The following MEAK7 variants were observed in gnomAD, a reference collection of about 807,000 sequenced individuals.
MEAK7 encodes the protein MTOR-associated protein MEAK7.
Under a neutral mutation model 40.5 loss-of-function variants are expected in MEAK7, and 68 were observed. The ratio of observed to expected loss-of-function variants is 1.68; its 90% CI spans 1.38 to 2.06. The LOEUF (loss-of-function observed/expected upper bound fraction) is 2.06. MEAK7 is among the 30% of genes most tolerant of loss of function. The probability of loss-of-function intolerance (pLI) is 0.00; values close to 1 mark genes in which losing one functional copy is unlikely to be tolerated. For missense variants in MEAK7, 918 were observed against 580.5 expected (o/e 1.58, Z -5.98); for synonymous variants, 338 against 231.9 (o/e 1.46, Z -4.16).
chr16:84,488,422 AG>A (rs1266249467), intron 4 of MEAK7: 1 of 127,092 alleles, frequency 7.9e-6, no homozygotes. Context: ...ATTTGCCACA[AG>A]GTTTTTTTTT....
intron 3 of MEAK7, among the ~76,000 whole-genome samples, chr16:84,493,374 T>G (rs1485171909): frequency 2.0e-5 from 3 of 152,218 alleles, no homozygotes; most frequent in African/African-American, 7.2e-5. Context: ...ATTGTGCTGT[T>G]GGAATAGAAA....
intron 3 of MEAK7, among the ~76,000 whole-genome samples, chr16:84,495,044 G>A (rs944536173): frequency 6.6e-5 from 10 of 152,128 alleles, no homozygotes; most frequent in South Asian, 2.1e-4. Flanking sequence ...CAAGGCAGGC[G>A]GACCACCTAA....
At chr16:84,500,269 T>C (rs891450582) in intron 1 of MEAK7, among the ~76,000 whole-genome samples, 3 of 152,200 alleles carry the variant, frequency 2.0e-5, no homozygotes, top group Non-Finnish European at 4.4e-5. Flanking sequence ...AGTGCTGCAA[T>C]GAACATCTGA....
chr16:84,502,189 C>T lies in MEAK7; in HGVS notation c.-26+2412G>A, dbSNP rs894999034. On this transcript the variant is annotated intron_variant, in intron 1 of 7. Coordinates refer to ENST00000343629, the MANE Select transcript of MEAK7 (RefSeq NM_020947.4). ...CACGCTGGTGCTGGTGCTGACAGCG[C>T]ACATCAAGGTTGCTTGTACCAGTGG... Among the ~76,000 whole-genome samples the T allele has an allele frequency of 1.8e-4, 27 of 151,690 alleles. 1 individual carries two copies. The highest frequency in any genetic ancestry group is 1.3e-4 in the Non-Finnish European group (9 of 67,966).
intron 6 of MEAK7, among the ~76,000 whole-genome samples, chr16:84,481,261 G>C (rs1912516552): frequency 6.6e-6 from 1 of 152,226 alleles, no homozygotes; most frequent in East Asian, 1.9e-4. Context: ...TGGGCTCTGA[G>C]CTGTTCAATC....
rs527290704 is a variant in MEAK7, at chr16:84,503,902, A to T, written c.-26+699T>A. On this transcript the variant is annotated intron_variant, in intron 1 of 7. Transcript: ENST00000343629. ...CTTCCCACCCTGGCTGCCAAGCTCC[A>T]ACTCTCTACTCCAAGGGCCCCGCAT... 4.5e-4 allele frequency: 442 copies of T among 983,492 alleles called. 6 individuals are homozygous for T. The South Asian group carries it at 0.018, about 39-fold the overall frequency. 60.9% of individuals were successfully genotyped at this position (983,492 alleles called of 1,614,324 possible). A position where few individuals can be genotyped will look rare whatever the true frequency, so the allele number is the denominator to read the frequency against.
intron 2 of MEAK7, among the ~76,000 whole-genome samples, chr16:84,496,645 T>C (rs1914076350): frequency 6.6e-6 from 1 of 152,152 alleles, no homozygotes; most frequent in Admixed American, 6.5e-5. Flanking sequence ...CACTTCACAA[T>C]GCTGCTGTCA....
At chr16:84,501,105 G>A (rs1008041834) in intron 1 of MEAK7, among the ~76,000 whole-genome samples, 10,642 of 102,778 alleles carry the variant, frequency 0.1, no homozygotes, top group Middle Eastern at 0.15. Context: ...AAAAAAAAAA[G>A]AAAAAAAAAA....
At position 84,482,708 on chromosome 16, in the gene MEAK7, C is replaced by A. The variant is rs935953148; in HGVS notation, c.961G>T (p.Asp321Tyr). ...SWEVKPQFQGDNRCFLFSICP... is the reference protein window; with the variant it reads ...SWEVKPQFQGYNRCFLFSICP... ...ATGGAGAACAGGAAGCATCTGTTGT[C>A]CCCTGAAAGTAGCCAGAGAACAAAA... is the stretch of plus-strand genomic sequence containing the variant. Residue 321 changes from aspartate (D) to tyrosine (Y), a missense_variant and splice_region_variant, in exon 6 of 8, where the codon GAC becomes TAC. By Grantham distance (160) the Asp-to-Tyr change is radical. Coordinates refer to ENST00000343629, the MANE Select transcript of MEAK7 (RefSeq NM_020947.4). The A allele has an allele frequency of 3.7e-6, 6 of 1,613,974 alleles. No homozygotes were observed. The highest frequency in any genetic ancestry group is 5.1e-6 in the Non-Finnish European group (6 of 1,179,962).
At position 84,477,023 on chromosome 16, in the gene MEAK7, C is replaced by G. The variant is rs140737885; in HGVS notation, c.*2890G>C. ...CCTCACACCTCAGCCTCCCAAGTAG[C>G]TAGGACCACAGGCATGTGTTACCAT... is the stretch of plus-strand genomic sequence containing the variant. On this transcript the variant is annotated 3_prime_UTR_variant, in exon 8 of 8. Transcript: ENST00000343629. The G allele has an allele frequency of 6.6e-6, 1 of 152,328 alleles. No homozygotes were observed. The highest frequency in any genetic ancestry group is 2.4e-5 in the African/African-American group (1 of 41,512). 9.4% of individuals were successfully genotyped at this position (152,328 alleles called of 1,614,324 possible).
intron 5 of MEAK7, chr16:84,486,410 G>A: frequency 7.4e-7 from 1 of 1,349,488 alleles, no homozygotes; most frequent in South Asian, 1.9e-5. Context: ...CTGGGCCCGT[G>A]TCCTCGCCTG....
chr16:84,484,354 C>T (rs937107486), intron 5 of MEAK7, among the ~76,000 whole-genome samples: 7 of 152,326 alleles, frequency 4.6e-5, no homozygotes, highest in Admixed American at 2.6e-4. Context: ...CAGCACCTGA[C>T]GCTCGGCCGC....
chr16:84,482,443 G>A (rs956137708), intron 6 of MEAK7, 149 bp downstream of exon 6: 8 of 1,319,950 alleles, frequency 6.1e-6, no homozygotes, highest in Non-Finnish European at 8.3e-6. Context: ...CCCAGCACCG[G>A]CCCTGGAAAC....
chr16:84,478,310 A>C lies in MEAK7; in HGVS notation c.*1603T>G, dbSNP rs904363319. Reference sequence around the variant, plus strand: ...GTCTGCATCACGCTCCTGCCCCTCCACACACTGTCTGAGCGTGCACTTTTC... The same window carrying C: ...GTCTGCATCACGCTCCTGCCCCTCCCCACACTGTCTGAGCGTGCACTTTTC... On this transcript the variant is annotated 3_prime_UTR_variant, in exon 8 of 8. Transcript: ENST00000343629. 1 of 152,154 alleles carries C rather than the reference A, an allele frequency of 6.6e-6. No individual in the cohort carries two copies. The highest frequency in any genetic ancestry group is 1.5e-5 in the Non-Finnish European group (1 of 68,036). The allele number at this position is 152,154 out of a possible 1,614,324, so 9.4% of individuals were successfully genotyped here.
At chr16:84,503,991 C>T (rs1470181025) in intron 1 of MEAK7, 1 of 985,408 alleles carries the variant, frequency 1.0e-6, no homozygotes, top group African/African-American at 1.7e-5. Flanking sequence ...ACTGCCTCAT[C>T]TGGACAGGCT....
chr16:84,503,662 G>T (rs1405572973), intron 1 of MEAK7, among the ~76,000 whole-genome samples: 1 of 152,150 alleles, frequency 6.6e-6, no homozygotes, highest in African/African-American at 2.4e-5. Context: ...AGAATAATGG[G>T]CCCAAGACAA....
chr16:84,496,829 G>A (rs373734453), intron 2 of MEAK7, among the ~76,000 whole-genome samples: 94 of 152,154 alleles, frequency 6.2e-4, no homozygotes, highest in Admixed American at 4.6e-3. Flanking sequence ...GCCACCATCT[G>A]AGCTTCACTC....
intron 1 of MEAK7, among the ~76,000 whole-genome samples, chr16:84,500,815 C>A (rs1456331898): frequency 6.6e-6 from 1 of 152,126 alleles, no homozygotes. Context: ...GCAGCCAAAA[C>A]AAAGCAGACC....
chr16:84,501,474 C>A (rs1046858967), intron 1 of MEAK7, among the ~76,000 whole-genome samples: 1 of 152,136 alleles, frequency 6.6e-6, no homozygotes, highest in African/African-American at 2.4e-5. Context: ...CAGGGTGCAG[C>A]CTGGCCAGCC....
Sources: gnomAD v4.1 joint callset for allele counts (sites outside exome capture counted in the v4.1 genomes callset) on GRCh38, gnomAD v4.1.1 for gene constraint, MANE v1.5 for transcripts, NCBI Gene and HGNC (gene_info 2026-07-23, HGNC 2026-07-21) for gene names.